CSNK1G3: variants seen among roughly 807,000 people sequenced by gnomAD.
CSNK1G3 encodes casein kinase 1 gamma 3.
In CSNK1G3, 23 loss-of-function variants were observed where a neutral mutation model predicts 64.3. The ratio of observed to expected loss-of-function variants is 0.36; its 90% confidence interval spans 0.26 to 0.51. The LOEUF is 0.51. Ranked by LOEUF, CSNK1G3 falls within the 20% of genes least tolerant of loss-of-function variation. The pLI, the probability that CSNK1G3 is intolerant of heterozygous loss-of-function variation, is 0.96. For missense variants in CSNK1G3, 357 were observed against 510.5 expected (o/e 0.70, Z 2.90); for synonymous variants, 158 against 162.2 (o/e 0.97, Z 0.20).
intron 1 of CSNK1G3, among the ~76,000 whole-genome samples, chr5:123,516,437 T>C (rs374694760): frequency 2.6e-5 from 4 of 152,168 alleles, no homozygotes; most frequent in African/African-American, 9.7e-5. Context: ...CATTTTTTCT[T>C]TTTTTTAAGC....
intron 1 of CSNK1G3, among the ~76,000 whole-genome samples, chr5:123,525,122 A>G (rs1561453209): frequency 6.6e-6 from 1 of 152,012 alleles, no homozygotes; most frequent in East Asian, 1.9e-4. Context: ...AAACTATGTG[A>G]TGTCAGACAG....
chr5:123,603,958 A>G (rs1401519329), intron 10 of CSNK1G3, among the ~76,000 whole-genome samples: 1 of 152,084 alleles, frequency 6.6e-6, no homozygotes, highest in African/African-American at 2.4e-5. Context: ...GCTATACATG[A>G]TGTGATTTGC....
intron 1 of CSNK1G3, among the ~76,000 whole-genome samples, chr5:123,539,288 A>G (rs1781308176): frequency 2.0e-5 from 3 of 152,036 alleles, no homozygotes; most frequent in Admixed American, 2.0e-4. Context: ...ACTGTACAAA[A>G]AAATAAATTA....
chr5:123,542,052 A>C (rs1324034551), intron 1 of CSNK1G3, among the ~76,000 whole-genome samples: 2 of 151,730 alleles, frequency 1.3e-5, no homozygotes, highest in Non-Finnish European at 2.9e-5. Flanking sequence ...TGAATGTGGA[A>C]CCACATAATT....
At chr5:123,543,932 A>G (rs1471443312) in intron 1 of CSNK1G3, among the ~76,000 whole-genome samples, 12 of 152,176 alleles carry the variant, frequency 7.9e-5, no homozygotes, top group Non-Finnish European at 1.5e-5. Context: ...TGGAATCCTA[A>G]TTAGGGAAAA....
At chr5:123,583,421 C>T (rs1235243614) in intron 6 of CSNK1G3, among the ~76,000 whole-genome samples, 7 of 150,550 alleles carry the variant, frequency 4.6e-5, no homozygotes, top group South Asian at 2.1e-4. Context: ...AGTGCAATGG[C>T]GCGATCTTGG....
At chr5:123,604,666 A>G in intron 10 of CSNK1G3, 58 bp from the exon 12 acceptor site, 1 of 837,336 alleles carries the variant, frequency 1.2e-6, no homozygotes, top group South Asian at 1.6e-5. Flanking sequence ...ATATGTATGT[A>G]TATTTATGAG....
chr5:123,553,033 T>C, intron 2 of CSNK1G3, 74 bp from the exon 3 acceptor site: 3 of 808,470 alleles, frequency 3.7e-6, no homozygotes, highest in Non-Finnish European at 5.7e-6. Flanking sequence ...GTGCTTTTTT[T>C]CAGAGTACAG....
At chr5:123,600,783 T>C (rs1358013660) in intron 10 of CSNK1G3, among the ~76,000 whole-genome samples, 1 of 152,144 alleles carries the variant, frequency 6.6e-6, no homozygotes, top group Admixed American at 6.5e-5. Context: ...AAGAATAACA[T>C]CTTTTGGAAT....
chr5:123,530,852 A>C (rs1357653478), intron 1 of CSNK1G3, among the ~76,000 whole-genome samples: 3 of 152,180 alleles, frequency 2.0e-5, no homozygotes, highest in Non-Finnish European at 4.4e-5. Context: ...ACAGTTAATG[A>C]TTTAGCTTTT....
chr5:123,562,659 T>A (rs1269486290), intron 4 of CSNK1G3, among the ~76,000 whole-genome samples: 1 of 152,084 alleles, frequency 6.6e-6, no homozygotes, highest in African/African-American at 2.4e-5. Context: ...ATTTTTAAAT[T>A]CTAAAAATTA....
chr5:123,578,789 A>G (rs574384958), intron 6 of CSNK1G3, among the ~76,000 whole-genome samples: 131 of 151,946 alleles, frequency 8.6e-4, no homozygotes, highest in Non-Finnish European at 1.4e-3. Context: ...GATTTTTTAT[A>G]TGGTGTGAGA....
At chr5:123,609,503 T>G (rs1387402746) in intron 12 of CSNK1G3, among the ~76,000 whole-genome samples, 1 of 152,196 alleles carries the variant, frequency 6.6e-6, no homozygotes, top group Non-Finnish European at 1.5e-5. Context: ...AGGACTTTGA[T>G]AGTCTCTAGA....
chr5:123,588,829 GT>G (rs1240743602), intron 8 of CSNK1G3, among the ~76,000 whole-genome samples: 1 of 152,124 alleles, frequency 6.6e-6, no homozygotes, highest in Non-Finnish European at 1.5e-5. Flanking sequence ...TTGGTATTCA[GT>G]GTTAGTCATT....
intron 12 of CSNK1G3, among the ~76,000 whole-genome samples, chr5:123,610,778 C>A (rs1371343915): frequency 6.6e-6 from 1 of 152,004 alleles, no homozygotes; most frequent in South Asian, 2.1e-4. Context: ...GAGTTTGAGA[C>A]CAGCCTGGGC....
In CSNK1G3 at chr5:123,557,566, T is replaced by A; in HGVS notation, c.289+2T>A. 6.4e-7 allele frequency: 1 copy of A among 1,557,820 alleles called. No individual in the cohort carries two copies. Among genetic ancestry groups the A allele is most frequent in the Non-Finnish European group, 8.8e-7 (1 of 1,140,828 alleles). The stretch of plus-strand genomic sequence containing the variant: ...TCTATAAGCAGTTAGGATCTGGAGG[T>A]AAAGTCTTATATTAATTTTTAAATT... On this transcript the variant is annotated splice_donor_variant, in intron 4 of 12. Transcript: ENST00000345990. LOFTEE classifies it high-confidence loss of function.
intron 4 of CSNK1G3, among the ~76,000 whole-genome samples, chr5:123,560,791 G>A (rs1330780721): frequency 6.6e-6 from 1 of 152,208 alleles, no homozygotes; most frequent in African/African-American, 2.4e-5. Flanking sequence ...AGGTAGAATG[G>A]TGTTTTCTGG....
At chr5:123,582,889 T>C (rs534816488) in intron 6 of CSNK1G3, among the ~76,000 whole-genome samples, 6 of 152,332 alleles carry the variant, frequency 3.9e-5, no homozygotes, top group African/African-American at 7.2e-5. Flanking sequence ...TTTCCAGATA[T>C]GTCAGTTGGT....
intron 6 of CSNK1G3, among the ~76,000 whole-genome samples, chr5:123,583,905 T>C (rs922728565): frequency 6.6e-6 from 1 of 151,950 alleles, no homozygotes; most frequent in Non-Finnish European, 1.5e-5. Flanking sequence ...TTGCCCAAGC[T>C]AGTCTTGAAC....
Sources: gnomAD v4.1 joint callset for allele counts (sites outside exome capture counted in the v4.1 genomes callset) on GRCh38, gnomAD v4.1.1 for gene constraint, MANE v1.5 for transcripts, NCBI Gene and HGNC (gene_info 2026-07-23, HGNC 2026-07-21) for gene names.